RNLS: variants seen among roughly 807,000 people sequenced by gnomAD.
RNLS encodes the protein renalase, FAD dependent amine oxidase.
A neutral mutation model predicts 39.8 loss-of-function variants in RNLS; 39 were observed. The ratio of observed to expected loss-of-function variants is 0.98; its 90% CI spans 0.76 to 1.28. The LOEUF (loss-of-function observed/expected upper bound fraction) is 1.28, where lower values mean the gene tolerates loss of function less well. Among genes scored for constraint, RNLS ranks in the 50% most tolerant of loss-of-function variants. The pLI is 0.00. For missense variants in RNLS, 410 were observed against 413.3 expected (o/e 0.99, Z 0.07); for synonymous variants, 147 against 150.7 (o/e 0.98, Z 0.18).
chr10:88,217,387 T>C, the RNLS span, among the ~76,000 whole-genome samples: 1 of 152,208 alleles, frequency 6.6e-6, no homozygotes, highest in Admixed American at 6.5e-5. Context: ...TTGTGGTTTT[T>C]GTTTTACCAT....
the RNLS span, among the ~76,000 whole-genome samples, chr10:88,217,426 C>A: frequency 2.0e-5 from 3 of 152,108 alleles, no homozygotes; most frequent in African/African-American, 7.2e-5. Flanking sequence ...AGATCACAAC[C>A]TTCCTCAAAA....
At chr10:88,372,837 C>T (rs1220048786) in intron 4 of RNLS, among the ~76,000 whole-genome samples, 1 of 152,160 alleles carries the variant, frequency 6.6e-6, no homozygotes, top group Non-Finnish European at 1.5e-5. Context: ...AGAACACATA[C>T]ACTAAGTCTG....
At chr10:88,436,246 A>G (rs569933949) in intron 4 of RNLS, among the ~76,000 whole-genome samples, 10 of 152,236 alleles carry the variant, frequency 6.6e-5, no homozygotes, top group African/African-American at 2.4e-4. Context: ...TTACTAAGTA[A>G]AAGTGTGATG....
chr10:88,301,909 A>G (rs985111507), intron 6 of RNLS, among the ~76,000 whole-genome samples: 14 of 152,224 alleles, frequency 9.2e-5, no homozygotes, highest in African/African-American at 3.1e-4. Context: ...GGTAATCAAG[A>G]AAAGAGAGCA....
chr10:88,457,280 G>A (rs887734195), intron 4 of RNLS, among the ~76,000 whole-genome samples: 4 of 152,116 alleles, frequency 2.6e-5, no homozygotes, highest in African/African-American at 9.7e-5. Flanking sequence ...AACATATAAT[G>A]GTTGTTTTTG....
chr10:88,348,909 T>C (rs1210647826), intron 5 of RNLS, among the ~76,000 whole-genome samples: 1 of 152,158 alleles, frequency 6.6e-6, no homozygotes, highest in Non-Finnish European at 1.5e-5. Flanking sequence ...ATATATTGTA[T>C]AGATCCGAGC....
At chr10:88,549,230 A>ACTTTTATACT (rs759361387) in intron 4 of RNLS, among the ~76,000 whole-genome samples, 33 of 152,164 alleles carry the variant, frequency 2.2e-4, no homozygotes, top group African/African-American at 4.8e-4. Flanking sequence ...CCTATTTTTA[A>ACTTTTATACT]TTCTTTCATA....
At chr10:88,512,791 A>C (rs1846202600) in intron 4 of RNLS, among the ~76,000 whole-genome samples, 1 of 152,098 alleles carries the variant, frequency 6.6e-6, no homozygotes, top group African/African-American at 2.4e-5. Context: ...GCTTAGGCTG[A>C]CTTCTCTGTC....
intron 4 of RNLS, among the ~76,000 whole-genome samples, chr10:88,418,081 CTTT>C (rs35536346): frequency 3.8e-4 from 54 of 143,860 alleles, no homozygotes; most frequent in Admixed American, 4.8e-4. Context: ...GAGCTTTTGT[CTTT>C]TTTTTTTTTT....
intron 4 of RNLS, among the ~76,000 whole-genome samples, chr10:88,554,510 A>C (rs1848756568): frequency 6.6e-6 from 1 of 151,974 alleles, no homozygotes; most frequent in Non-Finnish European, 1.5e-5. Context: ...CCCCCACTAC[A>C]TGACCACAGA....
Position 88,524,956 on chromosome 10 carries a change from C to CACACACACACATATAT in RNLS, c.526+47946_526+47947insATATATGTGTGTGTGT, listed in dbSNP as rs768939981. On this transcript the variant is annotated intron_variant, in intron 4 of 6. Transcript: ENST00000331772. ...CATATATATATATATATGGCACACACATACATATATATATATATATATATA... is the reference window on the plus strand; with the variant it reads ...CATATATATATATATATGGCACACACACACACACACATATATATACATATATATATATATATATATA... Among the ~76,000 whole-genome samples, 30 of 76,282 alleles carry CACACACACACATATAT rather than the reference C, an allele frequency of 3.9e-4. 1 individual carries two copies. Among genetic ancestry groups the CACACACACACATATAT allele is most frequent in the South Asian group, 2.7e-3 (5 of 1,858 alleles). The allele number at this position is 76,282 out of a possible 152,430, so 50.0% of individuals were successfully genotyped here.
the RNLS span, among the ~76,000 whole-genome samples, chr10:88,242,946 AAAAC>A: frequency 0.32 from 47,257 of 149,638 alleles, 7,789 homozygotes; most frequent in East Asian, 0.57. Context: ...AAACTCTGTC[AAAAC>A]AAACAAACAA....
At position 88,572,959 on chromosome 10, in the gene RNLS, A is replaced by G. The variant is rs773341600; in HGVS notation, c.470T>C (p.Ile157Thr). The change falls in exon 4 of 7, where the codon ATT becomes ACT. Residue 157 changes from isoleucine to threonine, a missense_variant. Physicochemically the swap from Ile to Thr is moderately conservative, Grantham distance 89. Transcript: ENST00000331772. ...CTCAGGAACTGGCATTGTGAGAACA[A>G]TAAGATCAAACTGCTCAGGGGAGCC... ...QTGSPEQFDLIVLTMPVPEIL... is the reference protein window; with the variant it reads ...QTGSPEQFDLTVLTMPVPEIL... The G allele has an allele frequency of 1.2e-6, 2 of 1,614,074 alleles. No homozygotes were observed. The highest frequency in any genetic ancestry group is 1.7e-5 in the Admixed American group (1 of 59,992).
chr10:88,299,989 C>CA (rs1844394839), intron 6 of RNLS, among the ~76,000 whole-genome samples: 1 of 151,888 alleles, frequency 6.6e-6, no homozygotes, highest in Non-Finnish European at 1.5e-5. Context: ...CTGACAGCAG[C>CA]AAAAAAAGAA....
At chr10:88,582,971 A>C in intron 1 of RNLS, 102 bp downstream of exon 1, 1 of 1,328,406 alleles carries the variant, frequency 7.5e-7, no homozygotes. Context: ...AGCTGAGGGT[A>C]TAGCGTTTTC....
intron 4 of RNLS, among the ~76,000 whole-genome samples, chr10:88,541,332 T>TTA (rs1848031622): frequency 6.6e-6 from 1 of 152,212 alleles, no homozygotes; most frequent in Admixed American, 6.5e-5. Flanking sequence ...TGTAAGTCAT[T>TTA]TACTTCATGT....
At chr10:88,375,821 A>C (rs1850947176) in intron 4 of RNLS, among the ~76,000 whole-genome samples, 1 of 152,102 alleles carries the variant, frequency 6.6e-6, no homozygotes, top group Non-Finnish European at 1.5e-5. Context: ...ATTTAATAAC[A>C]TGTATGCATG....
At chr10:88,471,781 G>C (rs1377033240) in intron 4 of RNLS, among the ~76,000 whole-genome samples, 1 of 152,058 alleles carries the variant, frequency 6.6e-6, no homozygotes, top group East Asian at 1.9e-4. Flanking sequence ...GAGTCTCATG[G>C]GGATGTGTCT....
intron 6 of RNLS, among the ~76,000 whole-genome samples, chr10:88,311,386 T>G (rs1459292082): frequency 6.6e-6 from 1 of 152,198 alleles, no homozygotes; most frequent in Non-Finnish European, 1.5e-5. Context: ...CATAACAGAC[T>G]AAGCATCAAG....
Sources: gnomAD v4.1 joint callset for allele counts (sites outside exome capture counted in the v4.1 genomes callset) on GRCh38, gnomAD v4.1.1 for gene constraint, MANE v1.5 for transcripts, NCBI Gene and HGNC (gene_info 2026-07-23, HGNC 2026-07-21) for gene names.